Variants in EPHB1 observed in about 807,000 individuals in gnomAD.
The protein encoded by EPHB1 is EPH receptor B1.
Under a neutral mutation model 94.4 loss-of-function variants are expected in EPHB1, and 30 were observed. The ratio of observed to expected loss-of-function variants is 0.32; its 90% CI spans 0.24 to 0.43. The LOEUF is 0.43. Ranked by LOEUF, EPHB1 falls within the 20% of genes least tolerant of loss-of-function variation. The pLI is 1.00. For synonymous variants in EPHB1, 522 were observed against 489.1 expected, an observed-to-expected ratio of 1.07 and a Z score of -0.89; for missense variants, 1,055 against 1,308.3, an observed-to-expected ratio of 0.81 and a Z score of 2.99.
chr3:135,225,198 G>A (rs994913222), intron 12 of EPHB1, among the ~76,000 whole-genome samples: 2 of 152,192 alleles, frequency 1.3e-5, no homozygotes, highest in Admixed American at 1.3e-4. Flanking sequence ...CTTTGCCACA[G>A]GCAGTAAAAT....
At chr3:134,909,446 C>T (rs531832947) in intron 1 of EPHB1, among the ~76,000 whole-genome samples, 9 of 152,348 alleles carry the variant, frequency 5.9e-5, no homozygotes, top group South Asian at 4.1e-4. Context: ...TGGAGGAGCA[C>T]ACCATGCCTC....
intron 12 of EPHB1, among the ~76,000 whole-genome samples, chr3:135,203,319 T>G (rs1358383372): frequency 6.6e-6 from 1 of 152,066 alleles, no homozygotes; most frequent in African/African-American, 2.4e-5. Context: ...ACCTAGATGA[T>G]GGGTTAATGG....
chr3:135,143,170 T>C (rs1268197043), intron 5 of EPHB1, among the ~76,000 whole-genome samples: 2 of 60,094 alleles, frequency 3.3e-5, no homozygotes, highest in African/African-American at 1.2e-4. Flanking sequence ...GGGCCCAGGG[T>C]GGGGGTGGGC....
At chr3:135,037,694 G>C (rs1301962413) in intron 3 of EPHB1, among the ~76,000 whole-genome samples, 1 of 152,202 alleles carries the variant, frequency 6.6e-6, no homozygotes, top group African/African-American at 2.4e-5. Context: ...CTGTATCTCA[G>C]ATTCACTTTG....
chr3:135,241,953 T>A (rs1943794895), intron 13 of EPHB1, among the ~76,000 whole-genome samples: 1 of 152,206 alleles, frequency 6.6e-6, no homozygotes, highest in South Asian at 2.1e-4. Context: ...TCCCCCAGGA[T>A]GCCCTCAAGG....
intron 10 of EPHB1, among the ~76,000 whole-genome samples, chr3:135,189,993 G>T (rs1406446427): frequency 6.6e-6 from 1 of 152,190 alleles, no homozygotes; most frequent in Non-Finnish European, 1.5e-5. Context: ...GGGGCATGAT[G>T]GTCCCTGAAC....
intron 1 of EPHB1, among the ~76,000 whole-genome samples, chr3:134,806,934 C>T (rs189507301): frequency 1.6e-4 from 25 of 152,266 alleles, no homozygotes; most frequent in Non-Finnish European, 2.4e-4. Flanking sequence ...CAACTTAAAA[C>T]GGGGAAGGGA....
intron 1 of EPHB1, among the ~76,000 whole-genome samples, chr3:134,891,298 C>T (rs2037979018): frequency 6.6e-6 from 1 of 152,060 alleles, no homozygotes; most frequent in African/African-American, 2.4e-5. Flanking sequence ...TTTGTAGAGA[C>T]AGGGTTTCAC....
chr3:134,835,143 A>C (rs1560255117), intron 1 of EPHB1, among the ~76,000 whole-genome samples: 1 of 152,222 alleles, frequency 6.6e-6, no homozygotes, highest in Non-Finnish European at 1.5e-5. Context: ...AGGTAACTGC[A>C]GGAGTAGCTG....
At chr3:135,173,157 C>CT (rs1340180397) in intron 9 of EPHB1, among the ~76,000 whole-genome samples, 2 of 150,862 alleles carry the variant, frequency 1.3e-5, no homozygotes, top group Admixed American at 1.3e-4. Flanking sequence ...GCCTCAGCCT[C>CT]CCAAGTAGCT....
At chr3:134,870,002 TG>T (rs1318469506) in intron 1 of EPHB1, among the ~76,000 whole-genome samples, 2 of 152,214 alleles carry the variant, frequency 1.3e-5, no homozygotes, top group Admixed American at 1.3e-4. Context: ...CTGTGAGCAC[TG>T]GGTCTGTGCA....
chr3:134,867,257 T>C (rs1372041037), intron 1 of EPHB1, among the ~76,000 whole-genome samples: 1 of 152,220 alleles, frequency 6.6e-6, no homozygotes, highest in Non-Finnish European at 1.5e-5. Flanking sequence ...AAAAACACTA[T>C]GTGTGGATGT....
chr3:135,062,004 A>G (rs1459137694), intron 3 of EPHB1, among the ~76,000 whole-genome samples: 2 of 152,056 alleles, frequency 1.3e-5, no homozygotes, highest in Non-Finnish European at 2.9e-5. Context: ...TCATTGTTGG[A>G]CATTTGGGTT....
chr3:134,820,081 G>GGACA (rs2036351984), intron 1 of EPHB1, among the ~76,000 whole-genome samples: 1 of 150,664 alleles, frequency 6.6e-6, no homozygotes. Context: ...CTGTCATTCA[G>GGACA]GGACCCATAC....
intron 1 of EPHB1, among the ~76,000 whole-genome samples, chr3:134,864,251 C>G (rs985285799): frequency 2.6e-5 from 4 of 152,178 alleles, no homozygotes; most frequent in African/African-American, 9.7e-5. Flanking sequence ...GGTTCTGAAA[C>G]ATGCTCAGCC....
At chr3:135,218,468 G>A (rs1576476918) in intron 12 of EPHB1, among the ~76,000 whole-genome samples, 1 of 152,330 alleles carries the variant, frequency 6.6e-6, no homozygotes, top group South Asian at 2.1e-4. Context: ...GGATCAGTAT[G>A]GAATTTCAGA....
chr3:135,027,475 T>C (rs1936230210), intron 3 of EPHB1, among the ~76,000 whole-genome samples: 1 of 149,074 alleles, frequency 6.7e-6, no homozygotes, highest in Non-Finnish European at 1.5e-5. Flanking sequence ...GAGATAATCA[T>C]GTGGTTTTTG....
At chr3:134,923,129 C>T (rs549935389) in intron 1 of EPHB1, among the ~76,000 whole-genome samples, 67 of 152,132 alleles carry the variant, frequency 4.4e-4, no homozygotes, top group Non-Finnish European at 7.5e-4. Flanking sequence ...GAATTGGAGA[C>T]GAAAACAAAC....
Position 135,061,068 on chromosome 3 carries a change from A to T in EPHB1, c.806-45380A>T, listed in dbSNP as rs187490683. Among the ~76,000 whole-genome samples, 156 of 152,224 alleles carry T rather than the reference A, an allele frequency of 1.0e-3. 1 individual carries two copies. The highest frequency in any genetic ancestry group is 9.5e-3 in the Admixed American group (146 of 15,290). On this transcript the variant is annotated intron_variant, in intron 3 of 15. Transcript: ENST00000398015. ...ATATTTGTCTTTCTGTTTCTGGCTT[A>T]TCTCACTTAACATAATGATCTCCAG...
Sources: allele counts gnomAD v4.1 joint callset (sites outside exome capture counted in the v4.1 genomes callset), GRCh38; gene constraint gnomAD v4.1.1; transcripts MANE v1.5; gene names NCBI Gene and HGNC (gene_info 2026-07-23, HGNC 2026-07-21).